The following ASIP variants were observed in gnomAD, a reference collection of about 807,000 sequenced individuals.
ASIP encodes the protein agouti-signaling protein.
In ASIP, 11 loss-of-function variants were observed where a neutral mutation model predicts 10.3. The observed-to-expected ratio is 1.07, with a 90% confidence interval of 0.68 to 1.78. ASIP has a LOEUF of 1.78. ASIP is among the 40% of genes most tolerant of loss of function. The pLI, the probability that ASIP is intolerant of heterozygous loss-of-function variation, is 0.00. For missense variants in ASIP, 180 were observed against 169.2 expected, an observed-to-expected ratio of 1.06 and a Z score of -0.35; for synonymous variants, 70 against 70.8, an observed-to-expected ratio of 0.99 and a Z score of 0.06.
intron 2 of ASIP, 72 bp downstream of exon 2, chr20:34,260,606 C>A (rs772370322): frequency 1.2e-5 from 17 of 1,458,420 alleles, no homozygotes; most frequent in Non-Finnish European, 1.4e-5. Flanking sequence ...TCCCAGGGTG[C>A]TACCAGGATC....
chr20:34,193,556 G>C (rs1210072116), upstream of ASIP, among the ~76,000 whole-genome samples: 1 of 152,110 alleles, frequency 6.6e-6, no homozygotes, highest in African/African-American at 2.4e-5. Flanking sequence ...AGGGCTAACA[G>C]CATATGGGTA....
At chr20:34,214,685 C>G (rs2034996064) in intron 1 of ASIP, 1 of 1,080,194 alleles carries the variant, frequency 9.3e-7, no homozygotes, top group African/African-American at 1.5e-5. Flanking sequence ...TTATCTTGAC[C>G]CTCATTTTCA....
chr20:34,214,444 T>C, intron 1 of ASIP: 1 of 1,509,856 alleles, frequency 6.6e-7, no homozygotes, highest in Non-Finnish European at 9.2e-7. Flanking sequence ...GCACTAGCTT[T>C]TGAAACATCA....
At chr20:34,232,990 C>T (rs2035132253) in intron 1 of ASIP, among the ~76,000 whole-genome samples, 1 of 152,132 alleles carries the variant, frequency 6.6e-6, no homozygotes, top group African/African-American at 2.4e-5. Context: ...TTAACGTGTT[C>T]TCCCTCCAGG....
At chr20:34,262,761 C>T in intron 2 of ASIP, 71 bp from the exon 3 acceptor site, 2 of 1,559,606 alleles carry the variant, frequency 1.3e-6, no homozygotes, top group Non-Finnish European at 1.8e-6. Flanking sequence ...GCCCCCTCTG[C>T]CCCTCTCACT....
In ASIP at chr20:34,235,909, A is replaced by G. The variant is rs1568756604; in HGVS notation, c.-10-24456A>G. Among the ~76,000 whole-genome samples, 59 of 123,644 alleles carry G rather than the reference A, an allele frequency of 4.8e-4. 9 individuals are homozygous for G. Among genetic ancestry groups the G allele is most frequent in the African/African-American group, 2.1e-3 (56 of 26,082 alleles). The allele number at this position is 123,644 out of a possible 152,430, so 81.1% of individuals were successfully genotyped here. On this transcript the variant is annotated intron_variant, in intron 1 of 3. Transcript: ENST00000568305. ...AGGAAGGAAGGAAGGAAAGGAAGGA[A>G]GGAAGGAAGGAAGGAAGGAAGCGGG...
At chr20:34,245,057 C>T (rs560000709) in intron 1 of ASIP, among the ~76,000 whole-genome samples, 11 of 152,140 alleles carry the variant, frequency 7.2e-5, no homozygotes, top group Admixed American at 5.9e-4. Flanking sequence ...AGAGTCAGGC[C>T]GGGCACAGTG....
chr20:34,188,375 G>A, the ASIP span, among the ~76,000 whole-genome samples: 3 of 152,110 alleles, frequency 2.0e-5, no homozygotes, highest in Non-Finnish European at 4.4e-5. Context: ...GACTTTAGGC[G>A]GTAGATGGAC....
intron 1 of ASIP, among the ~76,000 whole-genome samples, chr20:34,206,141 C>T (rs532324137): frequency 6.6e-5 from 10 of 151,870 alleles, no homozygotes; most frequent in East Asian, 1.9e-4. Flanking sequence ...TACAGGTGCC[C>T]GCCTCTATAC....
intron 1 of ASIP, among the ~76,000 whole-genome samples, chr20:34,212,865 A>G (rs1163508301): frequency 6.6e-6 from 1 of 152,204 alleles, no homozygotes; most frequent in Non-Finnish European, 1.5e-5. Context: ...TATATCTTGC[A>G]TCTATTGATG....
chr20:34,205,449 C>T (rs949330807), intron 1 of ASIP, among the ~76,000 whole-genome samples: 11 of 151,712 alleles, frequency 7.3e-5, no homozygotes, highest in Admixed American at 7.2e-4. Context: ...AGGAGTGAAG[C>T]TGCAGACCTT....
upstream of ASIP, among the ~76,000 whole-genome samples, chr20:34,237,495 T>A (rs2035225948): frequency 6.6e-6 from 1 of 152,250 alleles, no homozygotes; most frequent in Non-Finnish European, 1.5e-5. Context: ...GTAACTGATA[T>A]AACTTTGTAT....
chr20:34,205,413 G>A (rs536576626), intron 1 of ASIP, among the ~76,000 whole-genome samples: 5 of 151,556 alleles, frequency 3.3e-5, no homozygotes, highest in Non-Finnish European at 2.9e-5. Context: ...CATTCCTCCC[G>A]CTGGGCTCGT....
At chr20:34,258,674 C>CATATATATATATATATATATATATATTAT (rs772655085) in intron 1 of ASIP, among the ~76,000 whole-genome samples, 3 of 12,154 alleles carry the variant, frequency 2.5e-4, no homozygotes, top group Non-Finnish European at 1.2e-4. Context: ...AGGGGGATGC[C>CATATATATATATATATATATATATATTAT]ATATATATAT....
At chr20:34,199,892 T>A (rs1400930901) in intron 1 of ASIP, among the ~76,000 whole-genome samples, 1 of 152,242 alleles carries the variant, frequency 6.6e-6, no homozygotes, top group Non-Finnish European at 1.5e-5. Flanking sequence ...CATCAAATGT[T>A]TATTTCTCCT....
chr20:34,232,958 A>G (rs2035132040), intron 1 of ASIP, among the ~76,000 whole-genome samples: 1 of 151,962 alleles, frequency 6.6e-6, no homozygotes, highest in African/African-American at 2.4e-5. Flanking sequence ...ACTGTTCCCT[A>G]CCTCTCCACA....
At chr20:34,264,136 AATCT>A (rs1470894701) in intron 3 of ASIP, among the ~76,000 whole-genome samples, 1 of 152,230 alleles carries the variant, frequency 6.6e-6, no homozygotes, top group East Asian at 1.9e-4. Context: ...AATATACATA[AATCT>A]ATTATAAAAA....
At chr20:34,263,150 T>C (rs541399933) in intron 3 of ASIP, among the ~76,000 whole-genome samples, 10 of 152,316 alleles carry the variant, frequency 6.6e-5, no homozygotes, top group African/African-American at 2.2e-4. Context: ...CTGCCTGAAA[T>C]TTCACCATCA....
chr20:34,209,201 C>G (rs1406531269), intron 1 of ASIP, among the ~76,000 whole-genome samples: 1 of 152,244 alleles, frequency 6.6e-6, no homozygotes, highest in African/African-American at 2.4e-5. Context: ...GCACATTGCA[C>G]AGAGCTGGTG....
Sources: allele counts gnomAD v4.1 joint callset (sites outside exome capture counted in the v4.1 genomes callset), GRCh38; gene constraint gnomAD v4.1.1; transcripts MANE v1.5; gene names NCBI Gene and HGNC (gene_info 2026-07-23, HGNC 2026-07-21).